Variants in DDR2 observed in about 807,000 individuals in gnomAD.
DDR2 encodes the protein discoidin domain receptor tyrosine kinase 2.
DDR2 carries 27 observed loss-of-function variants against 94.9 expected under a neutral mutation model. The observed-to-expected ratio is 0.28, with a 90% CI of 0.21 to 0.39. The LOEUF (loss-of-function observed/expected upper bound fraction) is 0.39, where lower values mean the gene tolerates loss of function less well. Among genes scored for constraint, DDR2 ranks in the 10% least tolerant of loss-of-function variants. The pLI is 1.00. For synonymous variants in DDR2, 382 were observed against 377.2 expected (o/e 1.01, Z -0.15); for missense variants, 783 against 1,076.0 (o/e 0.73, Z 3.81).
At chr1:162,637,182 G>A (rs1275092049) in intron 1 of DDR2, among the ~76,000 whole-genome samples, 1 of 152,060 alleles carries the variant, frequency 6.6e-6, no homozygotes, top group Non-Finnish European at 1.5e-5. Context: ...GCATTTATAA[G>A]CATTCATTGC....
intron 15 of DDR2, 95 bp downstream of exon 15, chr1:162,775,938 T>C: frequency 6.5e-7 from 1 of 1,539,164 alleles, no homozygotes; most frequent in Non-Finnish European, 8.9e-7. Context: ...TGTATCAATG[T>C]TCTGGGATGG....
At position 162,784,877 on chromosome 1, in the gene DDR2, C is replaced by A; in HGVS notation, c.*4631C>A. 1 of 152,152 alleles carries A rather than the reference C, an allele frequency of 6.6e-6. No homozygotes were observed. The highest frequency in any genetic ancestry group is 6.5e-5 in the Admixed American group (1 of 15,278). The allele number at this position is 152,152 out of a possible 1,614,324, so 9.4% of individuals were successfully genotyped here. A position where few individuals can be genotyped will look rare whatever the true frequency, so the allele number is the denominator to read the frequency against. ...ATAATGCTATTAACTAAACTACAGA[C>A]CTTTTTTCAATTTCGCCAGTTTTTC... On this transcript the variant is annotated 3_prime_UTR_variant, in exon 18 of 18. Transcript: ENST00000367921.
intron 3 of DDR2, among the ~76,000 whole-genome samples, chr1:162,739,700 T>C (rs1248776657): frequency 6.6e-6 from 1 of 152,198 alleles, no homozygotes; most frequent in East Asian, 1.9e-4. Flanking sequence ...AATTTCATGA[T>C]TTGATTTACA....
rs78794004 is a variant in DDR2 at position 162,728,296 on chromosome 1, A to G, written c.82+9151A>G. Among the ~76,000 whole-genome samples, 90 of 151,394 alleles carry G rather than the reference A, an allele frequency of 5.9e-4. No individual in the cohort carries two copies. The East Asian group carries it at 0.015, about 26-fold the overall frequency. ...AAATATGTTCACATTTTACCCAATC[A>G]GGTCAAATCTCCAATGTCATGCTAG... On this transcript the variant is annotated intron_variant, in intron 3 of 17. Coordinates refer to ENST00000367921, the MANE Select transcript of DDR2 (RefSeq NM_006182.4).
chr1:162,695,388 C>A (rs1429494380), intron 2 of DDR2, among the ~76,000 whole-genome samples: 1 of 152,102 alleles, frequency 6.6e-6, no homozygotes, highest in African/African-American at 2.4e-5. Context: ...GTAGCCACCA[C>A]GCCGGCTAAT....
Position 162,761,395 on chromosome 1 carries a change from A to G in DDR2, c.1040A>G (p.Lys347Arg). 6.2e-7 allele frequency: 1 copy of G among 1,614,208 alleles called. No individual in the cohort carries two copies. Among genetic ancestry groups the G allele is most frequent in the Non-Finnish European group, 8.5e-7 (1 of 1,180,034 alleles). Reference protein sequence around the residue: ...PLHHRMASAIKCQYHFADTWM... With the variant: ...PLHHRMASAIRCQYHFADTWM... ...CACCACCGAATGGCCAGTGCCATCA[A>G]GTGTCAATACCATTTTGCAGATACC... Residue 347 changes from lysine (K) to arginine (R), a missense_variant, in exon 9 of 18, where the codon AAG becomes AGG. Lys to Arg is a conservative substitution (Grantham distance 26). Transcript: ENST00000367921.
At chr1:162,709,461 T>G (rs912551098) in intron 2 of DDR2, among the ~76,000 whole-genome samples, 8 of 152,198 alleles carry the variant, frequency 5.3e-5, no homozygotes, top group Non-Finnish European at 4.4e-5. Flanking sequence ...GTCACTTTGC[T>G]TTTTGGGCTG....
intron 1 of DDR2, among the ~76,000 whole-genome samples, chr1:162,637,953 TGAGGCATAAAGCCATTAACAA>T (rs1656912247): frequency 6.6e-6 from 1 of 152,182 alleles, no homozygotes; most frequent in Non-Finnish European, 1.5e-5. Flanking sequence ...TATAGGCAAA[TGAGGCATAAAGCCATTAACAA>T]GAGCCCCATC....
chr1:162,690,483 C>T (rs1192346434), intron 2 of DDR2, among the ~76,000 whole-genome samples: 1 of 152,118 alleles, frequency 6.6e-6, no homozygotes, highest in Non-Finnish European at 1.5e-5. Flanking sequence ...TTCCAGCATA[C>T]CTACCATGTG....
intron 3 of DDR2, among the ~76,000 whole-genome samples, chr1:162,744,556 G>A (rs1003799309): frequency 6.6e-6 from 1 of 152,010 alleles, no homozygotes; most frequent in African/African-American, 2.4e-5. Flanking sequence ...TGGGGTACAT[G>A]TGCATAATGT....
At position 162,693,210 on chromosome 1, in the gene DDR2, G is replaced by A. The variant is rs866781325; in HGVS notation, c.-27-25827G>A. Among the ~76,000 whole-genome samples the A allele has an allele frequency of 4.6e-5, 7 of 152,196 alleles. No individual in the cohort carries two copies. In the South Asian group the frequency reaches 1.4e-3, roughly 31 times the overall value. ...GGAGGGCTGTGTTGGGGGCTTCTGA[G>A]TTGCTGAGGTTGTTATATTTCTGGC... is the stretch of plus-strand genomic sequence containing the variant. On this transcript the variant is annotated intron_variant, in intron 2 of 17. Transcript: ENST00000367921.
intron 13 of DDR2, 89 bp from the exon 14 acceptor site, chr1:162,773,380 G>A (rs974359700): frequency 7.0e-6 from 11 of 1,574,042 alleles, no homozygotes; most frequent in Non-Finnish European, 7.8e-6. Flanking sequence ...AGTTGTAAGA[G>A]TTAGTTTATC....
chr1:162,676,881 C>T (rs533767448), intron 2 of DDR2, among the ~76,000 whole-genome samples: 4 of 152,210 alleles, frequency 2.6e-5, no homozygotes, highest in African/African-American at 4.8e-5. Context: ...CGAACAAGCA[C>T]GCCCTGCAGA....
At chr1:162,770,569 A>G in intron 12 of DDR2, 57 bp downstream of exon 12, 1 of 1,522,568 alleles carries the variant, frequency 6.6e-7, no homozygotes, top group Non-Finnish European at 9.1e-7. Context: ...AGCATCAGGT[A>G]GGTATGACAC....
At chr1:162,758,017 T>G (rs1326229777) in intron 7 of DDR2, among the ~76,000 whole-genome samples, 1 of 152,066 alleles carries the variant, frequency 6.6e-6, no homozygotes, top group Non-Finnish European at 1.5e-5. Context: ...TGAAGAGAAG[T>G]ATAATTTATG....
chr1:162,631,209 T>C (rs1656545897), upstream of DDR2, among the ~76,000 whole-genome samples: 1 of 151,630 alleles, frequency 6.6e-6, no homozygotes. Context: ...TGTGTGTGTG[T>C]GTGTGTGTGT....
intron 3 of DDR2, among the ~76,000 whole-genome samples, chr1:162,719,439 A>G (rs1197591533): frequency 6.6e-6 from 1 of 152,212 alleles, no homozygotes; most frequent in Non-Finnish European, 1.5e-5. Flanking sequence ...TTGCTTCTGC[A>G]TCTTCTGAGA....
At chr1:162,635,852 C>A (rs867504669) in intron 1 of DDR2, among the ~76,000 whole-genome samples, 1 of 152,198 alleles carries the variant, frequency 6.6e-6, no homozygotes, top group Non-Finnish European at 1.5e-5. Flanking sequence ...GAATTAAGTA[C>A]CTCTGCTGAT....
intron 3 of DDR2, among the ~76,000 whole-genome samples, chr1:162,729,865 T>C (rs1661936410): frequency 6.6e-6 from 1 of 151,764 alleles, no homozygotes; most frequent in African/African-American, 2.4e-5. Flanking sequence ...TGCCTCAGCC[T>C]CTCGAGTAGC....
Sources: gnomAD v4.1 joint callset for allele counts (sites outside exome capture counted in the v4.1 genomes callset) on GRCh38, gnomAD v4.1.1 for gene constraint, MANE v1.5 for transcripts, NCBI Gene and HGNC (gene_info 2026-07-23, HGNC 2026-07-21) for gene names.